RORA: variants seen among roughly 807,000 people sequenced by gnomAD.
RORA encodes nuclear receptor ROR-alpha.
In RORA, 7 loss-of-function variants were observed where a neutral mutation model predicts 69.5. That is an observed-to-expected ratio of 0.10 (90% CI 0.06 to 0.19). RORA has a LOEUF of 0.19. Ranked by LOEUF, RORA falls within the 10% of genes least tolerant of loss-of-function variation. RORA has a pLI of 1.00. For synonymous variants in RORA, 261 were observed against 240.8 expected, an observed-to-expected ratio of 1.08 and a Z score of -0.78; for missense variants, 457 against 663.0, an observed-to-expected ratio of 0.69 and a Z score of 3.41.
chr15:61,036,568 T>C (rs1253692203), intron 1 of RORA, among the ~76,000 whole-genome samples: 1 of 152,112 alleles, frequency 6.6e-6, no homozygotes, highest in Non-Finnish European at 1.5e-5. Flanking sequence ...TCTGCGCGTT[T>C]TAATAAACAT....
At chr15:60,748,839 G>C (rs1396428194) in intron 1 of RORA, among the ~76,000 whole-genome samples, 1 of 152,180 alleles carries the variant, frequency 6.6e-6, no homozygotes, top group African/African-American at 2.4e-5. Flanking sequence ...GCACTAGTGG[G>C]AGTGTTTGTA....
At chr15:60,545,559 C>T (rs185793074) in intron 2 of RORA, among the ~76,000 whole-genome samples, 1 of 152,256 alleles carries the variant, frequency 6.6e-6, no homozygotes, top group Admixed American at 6.5e-5. Context: ...AGAGAAATAT[C>T]AATCCATTTT....
chr15:61,077,019 C>G (rs1162024319), intron 1 of RORA, among the ~76,000 whole-genome samples: 1 of 151,752 alleles, frequency 6.6e-6, no homozygotes, highest in Non-Finnish European at 1.5e-5. Flanking sequence ...CATGGAGAAG[C>G]AAGGGAAACA....
At chr15:60,925,895 T>C (rs1326576123) in intron 1 of RORA, among the ~76,000 whole-genome samples, 1 of 152,184 alleles carries the variant, frequency 6.6e-6, no homozygotes, top group Non-Finnish European at 1.5e-5. Flanking sequence ...ATTCTGTGCT[T>C]ACGATGAGTG....
intron 1 of RORA, among the ~76,000 whole-genome samples, chr15:60,705,369 C>T (rs1288912489): frequency 6.6e-6 from 1 of 152,158 alleles, no homozygotes; most frequent in Non-Finnish European, 1.5e-5. Context: ...TAAAATTTTC[C>T]ACTCATAACT....
intron 10 of RORA, among the ~76,000 whole-genome samples, chr15:60,498,836 T>A (rs2065240746): frequency 6.7e-6 from 1 of 149,624 alleles, no homozygotes; most frequent in African/African-American, 2.5e-5. Context: ...TACCCCTTTC[T>A]GGTCTAACAT....
intron 2 of RORA, among the ~76,000 whole-genome samples, chr15:60,567,290 G>A (rs1402718943): frequency 2.0e-5 from 3 of 151,742 alleles, no homozygotes; most frequent in African/African-American, 7.3e-5. Context: ...GCCGTCCAGC[G>A]GTCCAAGTGC....
At chr15:60,590,698 G>T (rs945795458) in intron 2 of RORA, among the ~76,000 whole-genome samples, 9 of 151,986 alleles carry the variant, frequency 5.9e-5, no homozygotes, top group Non-Finnish European at 8.8e-5. Context: ...AAAGTTTTTT[G>T]GGGGGGTGGG....
chr15:60,730,978 G>A (rs1020470885), intron 1 of RORA, among the ~76,000 whole-genome samples: 1 of 151,948 alleles, frequency 6.6e-6, no homozygotes, highest in African/African-American at 2.4e-5. Context: ...GGGGGTTGTT[G>A]TACGGAATAT....
At chr15:60,727,639 C>T (rs1256680666) in intron 1 of RORA, among the ~76,000 whole-genome samples, 2 of 151,834 alleles carry the variant, frequency 1.3e-5, no homozygotes, top group East Asian at 3.9e-4. Flanking sequence ...GACCAGTGCA[C>T]GAAGGGAGAA....
intron 6 of RORA, 65 bp downstream of exon 6, chr15:60,505,443 T>C: frequency 6.4e-7 from 1 of 1,554,620 alleles, no homozygotes; most frequent in Non-Finnish European, 8.9e-7. Context: ...TTGACCAACT[T>C]TCCTATACCA....
chr15:60,751,941 T>C (rs1436375327), intron 1 of RORA, among the ~76,000 whole-genome samples: 2 of 152,086 alleles, frequency 1.3e-5, no homozygotes, highest in East Asian at 3.9e-4. Flanking sequence ...CAGAAGAGTT[T>C]GGGAAGAGAT....
chr15:60,837,813 A>C (rs2073138167), intron 1 of RORA, among the ~76,000 whole-genome samples: 1 of 152,210 alleles, frequency 6.6e-6, no homozygotes, highest in Non-Finnish European at 1.5e-5. Flanking sequence ...AAAAAAAACA[A>C]AAACCTGGAT....
rs553488066 is a variant in RORA at position 61,226,744 on chromosome 15, C to G, written c.166+2309G>C. Among the ~76,000 whole-genome samples, 1 of 152,266 alleles carries G rather than the reference C, an allele frequency of 6.6e-6. No individual in the cohort carries two copies. Among genetic ancestry groups the G allele is most frequent in the Admixed American group, 6.5e-5 (1 of 15,306 alleles). The stretch of plus-strand genomic sequence containing the variant: ...GCCTCCATCTCTGACCTTCCTTTTT[C>G]CATTCAGACTGTTATATAACCTAGT... On this transcript the variant is annotated intron_variant, in intron 1 of 10. Transcript: ENST00000335670. This position sits in a 1 kb window ranked among gnomAD's most constrained non-coding sequence, Gnocchi z 4.2.
In RORA at chr15:60,921,352, G is replaced by A. The variant is rs373800611; in HGVS notation, c.167-242666C>T. Reference sequence around the variant, plus strand: ...GTGGAACACTACATAGCAATGAAAAGGAAAGACCCATTGCAGGCATCAACA... The same window carrying A: ...GTGGAACACTACATAGCAATGAAAAAGAAAGACCCATTGCAGGCATCAACA... On this transcript the variant is annotated intron_variant, in intron 1 of 10. Transcript: ENST00000335670. 4.6e-5 allele frequency among the ~76,000 whole-genome samples: 7 copies of A among 152,292 alleles called. No homozygotes were observed. In the East Asian group the frequency reaches 7.7e-4, roughly 17 times the overall value.
chr15:60,515,949 T>TTATATATTTA lies in RORA; in HGVS notation c.283-1202_283-1193dup, dbSNP rs1567050810. On this transcript the variant is annotated intron_variant, in intron 3 of 10. Coordinates refer to ENST00000335670, the MANE Select transcript of RORA (RefSeq NM_134261.3). ...TATTTATATATATATTTATATATAT[T>TTATATATTTA]TATATATTTATATTTATATATATTT... is the stretch of plus-strand genomic sequence containing the variant. 6.2e-3 allele frequency among the ~76,000 whole-genome samples: 96 copies of TTATATATTTA among 15,526 alleles called. 8 individuals are homozygous for TTATATATTTA. Among genetic ancestry groups the TTATATATTTA allele is most frequent in the African/African-American group, 0.024 (87 of 3,666 alleles). 10.2% of individuals were successfully genotyped at this position (15,526 alleles called of 152,430 possible). A position where few individuals can be genotyped will look rare whatever the true frequency, so the allele number is the denominator to read the frequency against.
At chr15:61,185,917 C>T (rs965012094) in intron 1 of RORA, among the ~76,000 whole-genome samples, 1 of 152,098 alleles carries the variant, frequency 6.6e-6, no homozygotes, top group Non-Finnish European at 1.5e-5. Context: ...CCCTGGAATG[C>T]CCCACCCTGT....
chr15:60,659,877 T>C lies in RORA; in HGVS notation c.196+18780A>G, dbSNP rs1008849890. Among the ~76,000 whole-genome samples the C allele has an allele frequency of 2.4e-4, 37 of 152,212 alleles. 1 individual carries two copies. The highest frequency in any genetic ancestry group is 2.3e-3 in the Admixed American group (35 of 15,278). ...TATTCCCAGTCCTCCCCAACATACT[T>C]ATTTTCTGGAGCATTTTAAAGTAAA... On this transcript the variant is annotated intron_variant, in intron 2 of 10. Coordinates refer to ENST00000335670, the MANE Select transcript of RORA (RefSeq NM_134261.3).
At chr15:60,885,144 T>C (rs528061234) in intron 1 of RORA, among the ~76,000 whole-genome samples, 1 of 152,308 alleles carries the variant, frequency 6.6e-6, no homozygotes, top group African/African-American at 2.4e-5. Context: ...TCTGGACTGG[T>C]CTATAATACT....
Sources: allele counts gnomAD v4.1 joint callset (sites outside exome capture counted in the v4.1 genomes callset), GRCh38; gene constraint gnomAD v4.1.1; non-coding constraint Gnocchi (gnomAD v3.1); transcripts MANE v1.5; gene names NCBI Gene and HGNC (gene_info 2026-07-23, HGNC 2026-07-21).